BMAL1: variants seen among roughly 807,000 people sequenced by gnomAD.
BMAL1 encodes basic helix-loop-helix ARNT-like protein 1.
At chr11:13,321,347 T>C in the BMAL1 span, among the ~76,000 whole-genome samples, 1 of 152,216 alleles carries the variant, frequency 6.6e-6, no homozygotes, top group Non-Finnish European at 1.5e-5. Context: ...CAAGCACATG[T>C]GCCATTTCAC....
the BMAL1 span, among the ~76,000 whole-genome samples, chr11:13,363,800 G>T: frequency 6.6e-6 from 1 of 152,102 alleles, no homozygotes; most frequent in Admixed American, 6.5e-5. Flanking sequence ...CCACTGGCTG[G>T]CCCCTGTGGC....
At chr11:13,279,458 G>A in the BMAL1 span, among the ~76,000 whole-genome samples, 15 of 152,086 alleles carry the variant, frequency 9.9e-5, no homozygotes, top group South Asian at 2.1e-4. Context: ...TTGATATCCG[G>A]ATCTGTGAAT....
chr11:13,355,041 C>A, the BMAL1 span: 2 of 477,328 alleles, frequency 4.2e-6, no homozygotes, highest in African/African-American at 1.9e-5. Context: ...ACAGTCATCC[C>A]TTCTATATAT....
At chr11:13,329,052 A>T in the BMAL1 span, among the ~76,000 whole-genome samples, 1 of 152,178 alleles carries the variant, frequency 6.6e-6, no homozygotes, top group Non-Finnish European at 1.5e-5. Flanking sequence ...TCACTGTTCT[A>T]GTTGATATGG....
the BMAL1 span, among the ~76,000 whole-genome samples, chr11:13,374,605 C>T: frequency 6.6e-6 from 1 of 152,196 alleles, no homozygotes; most frequent in Non-Finnish European, 1.5e-5. Context: ...CACTGTGTCT[C>T]CACCAGATCC....
At chr11:13,278,221 G>A in the BMAL1 span, among the ~76,000 whole-genome samples, 1 of 152,226 alleles carries the variant, frequency 6.6e-6, no homozygotes, top group Non-Finnish European at 1.5e-5. Context: ...GCCCTTAAAG[G>A]GGCCGGGAAA....
chr11:13,365,375 A>G, the BMAL1 span: 3 of 748,306 alleles, frequency 4.0e-6, no homozygotes, highest in East Asian at 5.7e-5. Flanking sequence ...TCAGGATATC[A>G]CTGAAACTGT....
chr11:13,287,710 T>C, the BMAL1 span, among the ~76,000 whole-genome samples: 2 of 152,240 alleles, frequency 1.3e-5, no homozygotes, highest in African/African-American at 4.8e-5. Flanking sequence ...TCAGTGTCTT[T>C]TACTGATGAT....
At chr11:13,355,363 A>T in the BMAL1 span, 1 of 1,476,660 alleles carries the variant, frequency 6.8e-7, no homozygotes, top group Admixed American at 1.7e-5. Context: ...GAGGGCTGTG[A>T]GGGCGTTCTT....
chr11:13,299,941 C>A, the BMAL1 span, among the ~76,000 whole-genome samples: 1 of 152,190 alleles, frequency 6.6e-6, no homozygotes, highest in Non-Finnish European at 1.5e-5. Flanking sequence ...CCAAGCTTGA[C>A]ATTGAGTGTC....
chr11:13,306,173 G>T, the BMAL1 span, among the ~76,000 whole-genome samples: 2 of 152,104 alleles, frequency 1.3e-5, no homozygotes, highest in Admixed American at 1.3e-4. Context: ...CGTATAGGTC[G>T]GGGCTAGTTT....
the BMAL1 span, chr11:13,355,061 C>A: frequency 9.0e-6 from 5 of 554,684 alleles, no homozygotes; most frequent in Admixed American, 8.9e-5. Context: ...TGTACAAACA[C>A]CTAGGGAATA....
At chr11:13,338,915 T>C in the BMAL1 span, among the ~76,000 whole-genome samples, 1 of 152,236 alleles carries the variant, frequency 6.6e-6, no homozygotes, top group Non-Finnish European at 1.5e-5. Flanking sequence ...AGGTGACTGC[T>C]CTGTTTCACC....
the BMAL1 span, chr11:13,365,461 T>C: frequency 6.4e-7 from 1 of 1,567,150 alleles, no homozygotes; most frequent in African/African-American, 1.3e-5. Context: ...TTATGTTTCC[T>C]ACAGTATGAG....
At chr11:13,327,021 C>T in the BMAL1 span, among the ~76,000 whole-genome samples, 8 of 151,810 alleles carry the variant, frequency 5.3e-5, no homozygotes, top group South Asian at 2.1e-4. Context: ...GGGGTTTCAC[C>T]GTGTTAGCCA....
chr11:13,365,618 T>C, the BMAL1 span: 5 of 1,594,550 alleles, frequency 3.1e-6, no homozygotes, highest in Non-Finnish European at 4.3e-6. Flanking sequence ...CTGTTGATGG[T>C]GGGCAGCCTC....
chr11:13,377,702 A>G, the BMAL1 span, among the ~76,000 whole-genome samples: 1 of 152,156 alleles, frequency 6.6e-6, no homozygotes, highest in Non-Finnish European at 1.5e-5. Context: ...TCATGATCGG[A>G]TTGGTACCTG....
the BMAL1 span, among the ~76,000 whole-genome samples, chr11:13,337,770 T>C: frequency 4.6e-5 from 7 of 152,250 alleles, no homozygotes; most frequent in Non-Finnish European, 7.3e-5. Flanking sequence ...AGTTTTCCAC[T>C]GAGGTATTTG....
At chr11:13,349,094 C>G in the BMAL1 span, among the ~76,000 whole-genome samples, 1 of 152,170 alleles carries the variant, frequency 6.6e-6, no homozygotes, top group Admixed American at 6.5e-5. Context: ...AGAGGAGACC[C>G]CTCAGTCCTT....
Sources: allele counts gnomAD v4.1 joint callset (sites outside exome capture counted in the v4.1 genomes callset), GRCh38; gene constraint gnomAD v4.1.1; transcripts MANE v1.5; gene names NCBI Gene and HGNC (gene_info 2026-07-23, HGNC 2026-07-21).